HIVEP1: variants seen among roughly 807,000 people sequenced by gnomAD.
The protein encoded by HIVEP1 is HIVEP zinc finger 1, also known as zinc finger protein 40.
Under a neutral mutation model 180.0 loss-of-function variants are expected in HIVEP1, and 36 were observed. That is an observed-to-expected ratio of 0.20 (90% CI 0.15 to 0.26). The LOEUF (loss-of-function observed/expected upper bound fraction) is 0.26, where lower values mean the gene tolerates loss of function less well. HIVEP1 is among the 10% of genes least tolerant of loss of function. HIVEP1 has a pLI of 1.00. For missense variants in HIVEP1, 3,143 were observed against 3,268.7 expected, an observed-to-expected ratio of 0.96 and a Z score of 0.94; for synonymous variants, 1,239 against 1,239.0, an observed-to-expected ratio of 1.00 and a Z score of 0.00.
At chr6:12,204,497 A>C in the HIVEP1 span, among the ~76,000 whole-genome samples, 1 of 152,012 alleles carries the variant, frequency 6.6e-6, no homozygotes, top group African/African-American at 2.4e-5. Context: ...TGCATCTCCT[A>C]AATATTAAGA....
At chr6:12,091,720 CTT>C (rs1371015256) in intron 3 of HIVEP1, among the ~76,000 whole-genome samples, 1 of 152,048 alleles carries the variant, frequency 6.6e-6, no homozygotes, top group East Asian at 1.9e-4. Context: ...AATCAGATGA[CTT>C]TAATTTGATT....
At chr6:12,167,537 G>GTA (rs1290740456), downstream of HIVEP1, among the ~76,000 whole-genome samples, 4 of 38,124 alleles carry the variant, frequency 1.0e-4, no homozygotes, top group African/African-American at 7.1e-4. Context: ...ATATATATTT[G>GTA]TATATATATA....
chr6:12,176,122 C>T, the HIVEP1 span, among the ~76,000 whole-genome samples: 5 of 152,068 alleles, frequency 3.3e-5, no homozygotes, highest in Non-Finnish European at 7.3e-5. Context: ...TTACTCACAA[C>T]TGGCACAAGA....
chr6:12,046,724 A>G (rs544204958), intron 2 of HIVEP1, among the ~76,000 whole-genome samples: 2 of 151,724 alleles, frequency 1.3e-5, no homozygotes, highest in South Asian at 4.2e-4. Flanking sequence ...GGTTGCAGTG[A>G]GCTGAGATCG....
Position 12,074,424 on chromosome 6 carries a change from T to TG in HIVEP1, c.41-14756dup, listed in dbSNP as rs981969809. Among the ~76,000 whole-genome samples, 114 of 152,316 alleles carry TG rather than the reference T, an allele frequency of 7.5e-4. 1 individual carries two copies. The highest frequency in any genetic ancestry group is 2.5e-3 in the African/African-American group (104 of 41,574). On this transcript the variant is annotated intron_variant, in intron 2 of 8. Transcript: ENST00000379388. The stretch of plus-strand genomic sequence containing the variant: ...GTAAGAGCTATATTACTATATTATT[T>TG]GGGGAGAAATTTAACAACTGAAAAA...
chr6:12,113,448 G>A (rs966051928), intron 3 of HIVEP1, among the ~76,000 whole-genome samples: 17 of 151,984 alleles, frequency 1.1e-4, no homozygotes, highest in African/African-American at 4.1e-4. Flanking sequence ...AGGCTGAAGC[G>A]GAGTGAGTCA....
At chr6:12,051,969 G>T (rs1012786385) in intron 2 of HIVEP1, among the ~76,000 whole-genome samples, 1 of 152,160 alleles carries the variant, frequency 6.6e-6, no homozygotes, top group Admixed American at 6.5e-5. Context: ...TTCAAAATGA[G>T]TTTACATACT....
chr6:12,051,030 ATG>A lies in HIVEP1; in HGVS notation c.40+35364_40+35365del, dbSNP rs1554135632. Among the ~76,000 whole-genome samples, 62 of 136,780 alleles carry A rather than the reference ATG, an allele frequency of 4.5e-4. 1 individual carries two copies. The highest frequency in any genetic ancestry group is 1.6e-3 in the African/African-American group (53 of 33,468). The allele number at this position is 136,780 out of a possible 152,430, so 89.7% of individuals were successfully genotyped here. A position where few individuals can be genotyped will look rare whatever the true frequency, so the allele number is the denominator to read the frequency against. On this transcript the variant is annotated intron_variant, in intron 2 of 8. Transcript: ENST00000379388. ...TATATATATATATATATATATATAT[ATG>A]TATATTAAAATAAATATCAGGACGA...
chr6:12,014,609 C>T (rs191685479), intron 1 of HIVEP1, among the ~76,000 whole-genome samples: 3 of 152,276 alleles, frequency 2.0e-5, no homozygotes, highest in African/African-American at 7.2e-5. Context: ...GGCTTTGCTT[C>T]TCAGTTTTCT....
chr6:12,113,402 G>A (rs1308796301), intron 3 of HIVEP1, among the ~76,000 whole-genome samples: 1 of 151,920 alleles, frequency 6.6e-6, no homozygotes, highest in Non-Finnish European at 1.5e-5. Context: ...GGGCAGCAAC[G>A]AGATGGGGCA....
At chr6:12,117,103 C>G (rs920322983) in intron 3 of HIVEP1, among the ~76,000 whole-genome samples, 3 of 152,058 alleles carry the variant, frequency 2.0e-5, no homozygotes, top group African/African-American at 7.2e-5. Flanking sequence ...AGGTAAAAAC[C>G]TTTTCCCTAA....
intron 7 of HIVEP1, among the ~76,000 whole-genome samples, chr6:12,141,571 A>T (rs1759032353): frequency 6.6e-6 from 1 of 151,878 alleles, no homozygotes; most frequent in Non-Finnish European, 1.5e-5. Context: ...GACACAGGCA[A>T]ATTGGATAAA....
intron 3 of HIVEP1, among the ~76,000 whole-genome samples, chr6:12,103,169 G>A (rs1018609234): frequency 7.6e-6 from 1 of 131,786 alleles, no homozygotes; most frequent in Non-Finnish European, 1.6e-5. Flanking sequence ...TGCAACCAGC[G>A]ATGGTGTTGA....
At chr6:12,078,195 C>G (rs151144381) in intron 2 of HIVEP1, among the ~76,000 whole-genome samples, 6 of 152,072 alleles carry the variant, frequency 3.9e-5, no homozygotes, top group Non-Finnish European at 8.8e-5. Context: ...AAAGCATTGA[C>G]TCAGCTATAA....
chr6:12,088,793 G>A (rs1477438437), intron 2 of HIVEP1, among the ~76,000 whole-genome samples: 1 of 151,996 alleles, frequency 6.6e-6, no homozygotes, highest in African/African-American at 2.4e-5. Context: ...TCTTAGCTTT[G>A]CTTAATCTGG....
At chr6:12,021,306 C>T (rs9462377) in intron 2 of HIVEP1, among the ~76,000 whole-genome samples, 65,350 of 152,062 alleles carry the variant, frequency 0.43, 16,307 homozygotes, top group Non-Finnish European at 0.56. Flanking sequence ...TTGTGCATAG[C>T]CATTTGCCAT....
intron 3 of HIVEP1, among the ~76,000 whole-genome samples, chr6:12,116,768 C>T (rs527708173): frequency 6.6e-6 from 1 of 152,270 alleles, no homozygotes; most frequent in Non-Finnish European, 1.5e-5. Flanking sequence ...GATCACCATT[C>T]CCCATGATCT....
chr6:12,076,783 A>G (rs1581636172), intron 2 of HIVEP1, among the ~76,000 whole-genome samples: 1 of 152,152 alleles, frequency 6.6e-6, no homozygotes, highest in Non-Finnish European at 1.5e-5. Context: ...AAACATCGAG[A>G]CCACAGCAGA....
At chr6:12,184,076 A>G in the HIVEP1 span, among the ~76,000 whole-genome samples, 1 of 149,064 alleles carries the variant, frequency 6.7e-6, no homozygotes, top group African/African-American at 2.4e-5. Context: ...TTTGGGGGGA[A>G]GTGGGAGCAA....
Sources: gnomAD v4.1 joint callset for allele counts (sites outside exome capture counted in the v4.1 genomes callset) on GRCh38, gnomAD v4.1.1 for gene constraint, MANE v1.5 for transcripts, NCBI Gene and HGNC (gene_info 2026-07-23, HGNC 2026-07-21) for gene names.